MIA2: variants seen among roughly 807,000 people sequenced by gnomAD.
MIA2 encodes the protein MIA SH3 domain ER export factor 2, also known as melanoma inhibitory activity protein 2.
MIA2 carries 127 observed loss-of-function variants against 167.8 expected under a neutral mutation model. That is an observed-to-expected ratio of 0.76 (90% CI 0.66 to 0.88). MIA2 has a LOEUF of 0.88. MIA2 is among the 40% of genes least tolerant of loss of function. The probability of loss-of-function intolerance (pLI) is 0.00; values close to 1 mark genes in which losing one functional copy is unlikely to be tolerated. For synonymous variants in MIA2, 552 were observed against 541.9 expected, an observed-to-expected ratio of 1.02 and a Z score of -0.26; for missense variants, 1,690 against 1,624.7, an observed-to-expected ratio of 1.04 and a Z score of -0.69.
At chr14:39,276,709 C>T in intron 6 of MIA2, 2 of 455,440 alleles carry the variant, frequency 4.4e-6, no homozygotes, top group Non-Finnish European at 4.0e-6. Flanking sequence ...CTTTAAGTCA[C>T]CTCTGTAGAA....
At chr14:39,273,249 T>TTTTCC (rs1415328919) in intron 6 of MIA2, among the ~76,000 whole-genome samples, 2 of 151,982 alleles carry the variant, frequency 1.3e-5, no homozygotes, top group Non-Finnish European at 2.9e-5. Flanking sequence ...TTTTTTTTTT[T>TTTTCC]TTTCCTCATC....
intron 25 of MIA2, among the ~76,000 whole-genome samples, chr14:39,345,509 T>C (rs2073044347): frequency 6.6e-6 from 1 of 152,212 alleles, no homozygotes; most frequent in Non-Finnish European, 1.5e-5. Context: ...TTTCTTGCTG[T>C]GCTTACGTTT....
At chr14:39,362,211 T>C (rs1312737800) in intron 23 of MIA2, among the ~76,000 whole-genome samples, 2 of 152,184 alleles carry the variant, frequency 1.3e-5, no homozygotes, top group Admixed American at 6.5e-5. Context: ...ATAGAATGAG[T>C]TAGGGAAAAT....
intron 6 of MIA2, among the ~76,000 whole-genome samples, chr14:39,264,256 A>G (rs1266848321): frequency 6.6e-6 from 1 of 152,184 alleles, no homozygotes; most frequent in Admixed American, 6.5e-5. Context: ...ATCTGCATCC[A>G]CGTTGCTGCA....
At chr14:39,267,623 A>G in intron 6 of MIA2, 4 of 1,396,512 alleles carry the variant, frequency 2.9e-6, no homozygotes, top group Non-Finnish European at 3.9e-6. Flanking sequence ...CGCCGTGGTC[A>G]GAGGTCCCGA....
chr14:39,363,092 C>G (rs148353773), intron 23 of MIA2, among the ~76,000 whole-genome samples: 3 of 152,214 alleles, frequency 2.0e-5, no homozygotes, highest in East Asian at 3.9e-4. Context: ...GGTATAGTTT[C>G]AAGTATTTTA....
At chr14:39,333,570 G>A (rs966421853) in intron 25 of MIA2, among the ~76,000 whole-genome samples, 3 of 152,006 alleles carry the variant, frequency 2.0e-5, no homozygotes, top group Non-Finnish European at 2.9e-5. Flanking sequence ...AAGTTTTATC[G>A]AGTTTTGACT....
intron 23 of MIA2, among the ~76,000 whole-genome samples, chr14:39,374,550 T>C (rs997538070): frequency 5.3e-5 from 8 of 152,190 alleles, no homozygotes; most frequent in Admixed American, 3.3e-4. Context: ...ATCTTGGGGT[T>C]GGAGAAGACT....
intron 18 of MIA2, among the ~76,000 whole-genome samples, chr14:39,310,380 A>G (rs781244888): frequency 2.0e-5 from 3 of 152,180 alleles, no homozygotes; most frequent in Non-Finnish European, 4.4e-5. Flanking sequence ...ATGCTGTGAT[A>G]TGTGTTATGG....
intron 6 of MIA2, among the ~76,000 whole-genome samples, chr14:39,271,092 T>TAGGG (rs1216926288): frequency 6.6e-6 from 1 of 152,266 alleles, no homozygotes; most frequent in African/African-American, 2.4e-5. Context: ...TTTTAGCTCT[T>TAGGG]ACGGGAAGTT....
chr14:39,300,983 CAT>C (rs71130842), intron 14 of MIA2, among the ~76,000 whole-genome samples: 21 of 68,252 alleles, frequency 3.1e-4, no homozygotes, highest in African/African-American at 5.0e-4. Context: ...CACATATATA[CAT>C]ATATACACAT....
intron 9 of MIA2, among the ~76,000 whole-genome samples, chr14:39,284,855 G>A (rs953569395): frequency 7.2e-5 from 11 of 151,932 alleles, no homozygotes; most frequent in African/African-American, 2.7e-4. Flanking sequence ...AGATAAACAA[G>A]TGAACAAAGG....
intron 23 of MIA2, among the ~76,000 whole-genome samples, chr14:39,383,839 A>C (rs1054283183): frequency 2.0e-5 from 3 of 152,216 alleles, no homozygotes; most frequent in African/African-American, 7.2e-5. Flanking sequence ...CTTCAAGTCT[A>C]TGAAGGATGA....
At chr14:39,317,430 A>G (rs1284000950) in intron 21 of MIA2, among the ~76,000 whole-genome samples, 1 of 152,122 alleles carries the variant, frequency 6.6e-6, no homozygotes, top group Admixed American at 6.6e-5. Flanking sequence ...GTTCATTTCA[A>G]TGAACTAATC....
At chr14:39,378,036 T>C (rs4902559) in intron 23 of MIA2, among the ~76,000 whole-genome samples, 10,935 of 152,264 alleles carry the variant, frequency 0.072, 485 homozygotes, top group South Asian at 0.17. Context: ...TGCACTTGTA[T>C]AAAAGAAAAT....
intron 13 of MIA2, among the ~76,000 whole-genome samples, chr14:39,296,634 A>AT (rs2061466359): frequency 1.7e-5 from 2 of 119,334 alleles, no homozygotes; most frequent in African/African-American, 6.7e-5. Flanking sequence ...TTTTATTTTT[A>AT]TTATTTTTTT....
At chr14:39,290,329 T>A (rs2060558520) in intron 9 of MIA2, among the ~76,000 whole-genome samples, 1 of 147,286 alleles carries the variant, frequency 6.8e-6, no homozygotes. Context: ...CAGATATATA[T>A]TTTTTTTTTT....
intron 23 of MIA2, among the ~76,000 whole-genome samples, chr14:39,362,648 A>G (rs1234493852): frequency 6.6e-6 from 1 of 151,706 alleles, no homozygotes; most frequent in African/African-American, 2.4e-5. Flanking sequence ...TGCTTCACTA[A>G]TCTTTGTATT....
Position 39,388,071 on chromosome 14 carries a change from T to G in MIA2, c.*1119T>G, listed in dbSNP as rs2075295535. 1 of 152,234 alleles carries G rather than the reference T, an allele frequency of 6.6e-6. No individual in the cohort carries two copies. The highest frequency in any genetic ancestry group is 1.5e-5 in the Non-Finnish European group (1 of 68,048). The allele number at this position is 152,234 out of a possible 1,614,324, so 9.4% of individuals were successfully genotyped here. A position where few individuals can be genotyped will look rare whatever the true frequency, so the allele number is the denominator to read the frequency against. On this transcript the variant is annotated 3_prime_UTR_variant, in exon 24 of 24. Transcript: ENST00000341502. The surrounding 1 kb of genome is among the most constrained non-coding windows in gnomAD (Gnocchi z 4.1). Reference sequence around the variant, plus strand: ...TCTCTTTATTGTAGTGGTCTGGAACTGAACCTGCAATATCTCCAAGGTAGG... The same window carrying G: ...TCTCTTTATTGTAGTGGTCTGGAACGGAACCTGCAATATCTCCAAGGTAGG...
Sources: allele counts gnomAD v4.1 joint callset (sites outside exome capture counted in the v4.1 genomes callset), GRCh38; gene constraint gnomAD v4.1.1; non-coding constraint Gnocchi (gnomAD v3.1); transcripts MANE v1.5; gene names NCBI Gene and HGNC (gene_info 2026-07-23, HGNC 2026-07-21).